GALNTL6: variants seen among roughly 807,000 people sequenced by gnomAD.
GALNTL6 encodes polypeptide N-acetylgalactosaminyltransferase like 6.
GALNTL6 carries 46 observed loss-of-function variants against 73.7 expected under a neutral mutation model. The observed-to-expected ratio is 0.62, with a 90% confidence interval of 0.49 to 0.80. The LOEUF (loss-of-function observed/expected upper bound fraction) is 0.80, where lower values mean the gene tolerates loss of function less well. GALNTL6 is among the 30% of genes least tolerant of loss of function. GALNTL6 has a pLI of 0.00. For synonymous variants in GALNTL6, 259 were observed against 263.7 expected (o/e 0.98, Z 0.17); for missense variants, 604 against 755.0 (o/e 0.80, Z 2.34).
intron 5 of GALNTL6, among the ~76,000 whole-genome samples, chr4:172,537,323 G>A (rs1193395638): frequency 1.3e-5 from 2 of 152,186 alleles, no homozygotes; most frequent in Non-Finnish European, 2.9e-5. Flanking sequence ...TTGTGGGAGG[G>A]AACTGGTGGG....
chr4:172,842,966 C>G (rs1354140488), intron 7 of GALNTL6, among the ~76,000 whole-genome samples: 1 of 152,136 alleles, frequency 6.6e-6, no homozygotes, highest in Non-Finnish European at 1.5e-5. Context: ...GCAAGGCTTG[C>G]TCCTTGATGG....
intron 2 of GALNTL6, among the ~76,000 whole-genome samples, chr4:172,119,528 C>T (rs1041089356): frequency 3.3e-5 from 5 of 152,134 alleles, no homozygotes; most frequent in African/African-American, 1.2e-4. Flanking sequence ...CACGTTATAA[C>T]ATTCTGAAAA....
intron 5 of GALNTL6, among the ~76,000 whole-genome samples, chr4:172,560,556 C>T (rs1042207650): frequency 1.1e-4 from 17 of 152,048 alleles, no homozygotes. Flanking sequence ...ATAACCAGAG[C>T]ACATCAGTAT....
At chr4:172,709,741 A>G (rs1734577437) in intron 5 of GALNTL6, among the ~76,000 whole-genome samples, 2 of 152,218 alleles carry the variant, frequency 1.3e-5, no homozygotes, top group Non-Finnish European at 2.9e-5. Context: ...ATAGCAAAAT[A>G]AAATCAGGAT....
chr4:172,657,429 C>A (rs1026580554), intron 5 of GALNTL6, among the ~76,000 whole-genome samples: 1 of 152,166 alleles, frequency 6.6e-6, no homozygotes, highest in Non-Finnish European at 1.5e-5. Context: ...AAGCCCATAG[C>A]TGCTAGCTAT....
Position 172,556,419 on chromosome 4 carries a change from A to G in GALNTL6, c.553+207730A>G, listed in dbSNP as rs186522836. Among the ~76,000 whole-genome samples the G allele has an allele frequency of 6.9e-4, 105 of 152,016 alleles. 3 individuals carry two copies. In the East Asian group the frequency reaches 0.017, roughly 25 times the overall value. ...TGACAGGCATACACTTTAGCCCCCTAACTAGGGTTGCCCAATTTAGCAAAT... is the reference window on the plus strand; with the variant it reads ...TGACAGGCATACACTTTAGCCCCCTGACTAGGGTTGCCCAATTTAGCAAAT... On this transcript the variant is annotated intron_variant, in intron 5 of 12. Coordinates refer to ENST00000506823, the MANE Select transcript of GALNTL6 (RefSeq NM_001034845.3).
chr4:172,829,391 C>A (rs9884494), intron 7 of GALNTL6, among the ~76,000 whole-genome samples: 2 of 152,116 alleles, frequency 1.3e-5, no homozygotes, highest in Non-Finnish European at 2.9e-5. Flanking sequence ...TTCTACCCAT[C>A]CTTTGGCACC....
chr4:172,334,470 T>C (rs924052030), intron 4 of GALNTL6, among the ~76,000 whole-genome samples: 7 of 152,210 alleles, frequency 4.6e-5, no homozygotes, highest in Non-Finnish European at 7.3e-5. Context: ...ACATCTTTGG[T>C]AAAATTTATT....
chr4:172,228,769 GAAGA>G (rs1736953852), intron 2 of GALNTL6, among the ~76,000 whole-genome samples: 1 of 152,134 alleles, frequency 6.6e-6, no homozygotes, highest in South Asian at 2.1e-4. Flanking sequence ...ACAAGATTGT[GAAGA>G]TAAGCTTTAT....
chr4:172,533,316 A>ATTTT (rs34973148), intron 5 of GALNTL6, among the ~76,000 whole-genome samples: 4,407 of 77,420 alleles, frequency 0.057, 1,221 homozygotes, highest in African/African-American at 0.099. Flanking sequence ...CCCGGCCAGA[A>ATTTT]TTTTTTTTTT....
intron 5 of GALNTL6, among the ~76,000 whole-genome samples, chr4:172,408,235 C>T (rs1339429033): frequency 6.6e-6 from 1 of 151,942 alleles, no homozygotes; most frequent in Non-Finnish European, 1.5e-5. Flanking sequence ...TATACAGAAT[C>T]CATTCGAGTG....
intron 5 of GALNTL6, among the ~76,000 whole-genome samples, chr4:172,402,354 C>T (rs755554496): frequency 6.6e-6 from 1 of 151,988 alleles, no homozygotes; most frequent in Non-Finnish European, 1.5e-5. Context: ...ATGTATAAAC[C>T]TGTCATTTTA....
chr4:172,493,403 T>G (rs1000575256), intron 5 of GALNTL6, among the ~76,000 whole-genome samples: 14 of 152,208 alleles, frequency 9.2e-5, no homozygotes, highest in African/African-American at 3.4e-4. Flanking sequence ...TATTCACTTT[T>G]ATGTCAGAAA....
rs1285348288 is a variant in GALNTL6, at chr4:173,040,861, T to C, written c.*761T>C. The C allele has an allele frequency of 6.6e-6, 1 of 152,568 alleles. No individual in the cohort carries two copies. The highest frequency in any genetic ancestry group is 1.5e-5 in the Non-Finnish European group (1 of 68,028). 9.5% of individuals were successfully genotyped at this position (152,568 alleles called of 1,614,324 possible). On this transcript the variant is annotated 3_prime_UTR_variant, in exon 13 of 13. Transcript: ENST00000506823. ...AAAAACAAAAGCAAAAGCAAAAATC[T>C]ATGCTATCAAGTTACTCCAAAGAAA...
chr4:172,170,918 A>T (rs543507770), intron 2 of GALNTL6, among the ~76,000 whole-genome samples: 1 of 152,334 alleles, frequency 6.6e-6, no homozygotes, highest in East Asian at 1.9e-4. Context: ...CATGGTGATT[A>T]TTAAATAACT....
At chr4:172,783,580 A>G (rs1467252574) in intron 5 of GALNTL6, among the ~76,000 whole-genome samples, 2 of 151,112 alleles carry the variant, frequency 1.3e-5, no homozygotes, top group African/African-American at 4.8e-5. Context: ...ACAAGTTCCC[A>G]CAAACTTAGT....
chr4:171,999,891 C>T (rs2110756265), intron 2 of GALNTL6, among the ~76,000 whole-genome samples: 1 of 152,278 alleles, frequency 6.6e-6, no homozygotes, highest in East Asian at 1.9e-4. Context: ...CAATTACTAA[C>T]ATAGCCTAAC....
chr4:172,282,612 G>T (rs964332725), intron 3 of GALNTL6, among the ~76,000 whole-genome samples: 1 of 147,872 alleles, frequency 6.8e-6, no homozygotes, highest in Non-Finnish European at 1.5e-5. Flanking sequence ...AGTTTTCATT[G>T]TAAGTGCAAT....
intron 2 of GALNTL6, among the ~76,000 whole-genome samples, chr4:172,074,132 C>G (rs1731633793): frequency 6.6e-6 from 1 of 152,116 alleles, no homozygotes; most frequent in Admixed American, 6.6e-5. Context: ...TAGGAATAAG[C>G]CCTAAATACT....
Sources: allele counts gnomAD v4.1 joint callset (sites outside exome capture counted in the v4.1 genomes callset), GRCh38; gene constraint gnomAD v4.1.1; transcripts MANE v1.5; gene names NCBI Gene and HGNC (gene_info 2026-07-23, HGNC 2026-07-21).